The following PCDHGA8 variants were observed in gnomAD, a reference collection of about 807,000 sequenced individuals.
PCDHGA8 encodes protocadherin gamma subfamily A, 8, also known as protocadherin gamma-A8.
In PCDHGA8, 45 loss-of-function variants were observed where a neutral mutation model predicts 59.2. The observed-to-expected ratio is 0.76, with a 90% CI of 0.60 to 0.98. The LOEUF (loss-of-function observed/expected upper bound fraction) is 0.98, where lower values mean the gene tolerates loss of function less well. Among genes scored for constraint, PCDHGA8 ranks in the 50% least tolerant of loss-of-function variants. The pLI, the probability that PCDHGA8 is intolerant of heterozygous loss-of-function variation, is 0.00. For missense variants in PCDHGA8, 1,257 were observed against 1,196.2 expected (o/e 1.05, Z -0.75); for synonymous variants, 531 against 519.0 (o/e 1.02, Z -0.32).
In PCDHGA8 at chr5:141,431,213, TTCCC is replaced by T. The variant is rs1373533151; in HGVS notation, c.2424+35979_2424+35982del. 1 of 1,614,142 alleles carries T rather than the reference TTCCC, an allele frequency of 6.2e-7. No homozygotes were observed. Among genetic ancestry groups the T allele is most frequent in the Admixed American group, 1.7e-5 (1 of 60,020 alleles). On this transcript the variant is annotated intron_variant, in intron 1 of 3. Transcript: ENST00000398604. This position sits in a 1 kb window ranked among gnomAD's most constrained non-coding sequence, Gnocchi z 4.8. ...TGAAAATGCAGCCACTGAGATGCGGTTCCCTCTACCCCACGCCTGGGATCCGGAT... is the reference window on the plus strand; with the variant it reads ...TGAAAATGCAGCCACTGAGATGCGGTTCTACCCCACGCCTGGGATCCGGAT...
chr5:141,397,841 C>A (rs996938995), intron 1 of PCDHGA8: 31 of 520,424 alleles, frequency 6.0e-5, no homozygotes, highest in Middle Eastern at 4.9e-4. Context: ...AACTTGAAGC[C>A]GCAGAGGCTG....
intron 1 of PCDHGA8, among the ~76,000 whole-genome samples, chr5:141,401,626 C>T (rs1476531463): frequency 6.6e-6 from 1 of 152,174 alleles, no homozygotes; most frequent in Non-Finnish European, 1.5e-5. Flanking sequence ...TTTGTCTTAT[C>T]GTTTGGAGCT....
intron 1 of PCDHGA8, among the ~76,000 whole-genome samples, chr5:141,472,590 C>T (rs1161871973): frequency 6.6e-6 from 1 of 151,908 alleles, no homozygotes; most frequent in Non-Finnish European, 1.5e-5. Flanking sequence ...GTCAGAAGCT[C>T]TCTTGAAATT....
intron 1 of PCDHGA8, among the ~76,000 whole-genome samples, chr5:141,482,329 T>A (rs1334833454): frequency 6.6e-6 from 1 of 152,160 alleles, no homozygotes; most frequent in Non-Finnish European, 1.5e-5. Context: ...ATAAAGAGAA[T>A]ATCTACTTTG....
chr5:141,476,357 C>G lies in PCDHGA8; in HGVS notation c.2425-18450C>G. On this transcript the variant is annotated intron_variant, in intron 1 of 3. Transcript: ENST00000398604. The surrounding 1 kb of genome is among the most constrained non-coding windows in gnomAD (Gnocchi z 7.6). ...TAGCCGAAGATTCTTTGAGGTGAAC[C>G]GGGAGACCGGAGAGATGTTTGTGAA... The G allele has an allele frequency of 6.2e-7, 1 of 1,614,052 alleles. No individual in the cohort carries two copies. Among genetic ancestry groups the G allele is most frequent in the South Asian group, 1.1e-5 (1 of 91,078 alleles).
Position 141,502,866 on chromosome 5 carries a change from C to CTTTTTTTTTTTTTT in PCDHGA8, c.2484-2526_2484-2513dup, listed in dbSNP as rs549047197. Among the ~76,000 whole-genome samples the CTTTTTTTTTTTTTT allele has an allele frequency of 1.6e-4, 20 of 128,024 alleles. 4 individuals are homozygous for CTTTTTTTTTTTTTT. The highest frequency in any genetic ancestry group is 2.6e-4 in the Admixed American group (3 of 11,660). 84.0% of individuals were successfully genotyped at this position (128,024 alleles called of 152,430 possible). A position where few individuals can be genotyped will look rare whatever the true frequency, so the allele number is the denominator to read the frequency against. The stretch of plus-strand genomic sequence containing the variant: ...GAGCTGCCTAACCCTGACTCTCTGT[C>CTTTTTTTTTTTTTT]TTTTTTTTTTTTTTGACAGGGAGTC... On this transcript the variant is annotated intron_variant, in intron 2 of 3. Transcript: ENST00000398604.
In PCDHGA8 at chr5:141,477,854, C is replaced by G; in HGVS notation, c.2425-16953C>G. 3.1e-6 allele frequency: 5 copies of G among 1,614,098 alleles called. No individual in the cohort carries two copies. Among genetic ancestry groups the G allele is most frequent in the Non-Finnish European group, 4.2e-6 (5 of 1,180,004 alleles). ...GCCAGGTGGGAGCTCGGTGGAGATG[C>G]TGCCTCGAGGTACCTCAGCTGGCCA... On this transcript the variant is annotated intron_variant, in intron 1 of 3. Transcript: ENST00000398604. This position sits in a 1 kb window ranked among gnomAD's most constrained non-coding sequence, Gnocchi z 4.9.
chr5:141,449,389 T>C (rs577860793), intron 1 of PCDHGA8, among the ~76,000 whole-genome samples: 5 of 151,964 alleles, frequency 3.3e-5, no homozygotes, highest in African/African-American at 1.2e-4. Flanking sequence ...GGTGGATTAC[T>C]TGAGGCCAGG....
chr5:141,403,956 T>A (rs375951516), intron 1 of PCDHGA8: 6 of 1,613,884 alleles, frequency 3.7e-6, no homozygotes, highest in Non-Finnish European at 5.1e-6. Flanking sequence ...AAAGTGCTCA[T>A]TTCGGTGGAA....
intron 1 of PCDHGA8, chr5:141,424,599 GATTT>G (rs1016470290): frequency 3.9e-5 from 6 of 152,170 alleles, no homozygotes; most frequent in Non-Finnish European, 8.8e-5. Flanking sequence ...GATGTCTACA[GATTT>G]ATTCAAATAG....
chr5:141,438,347 C>T (rs150878327), intron 1 of PCDHGA8, among the ~76,000 whole-genome samples: 7 of 151,730 alleles, frequency 4.6e-5, no homozygotes, highest in Non-Finnish European at 2.9e-5. Flanking sequence ...TAAGGATCTA[C>T]TCTGTGTATT....
rs545524357 is a variant in PCDHGA8, at chr5:141,467,902, G to A, written c.2425-26905G>A. ...TCAAACTCCTGAGCTCAAGAAATCC[G>A]CCCACCTCAGCCTCCCAAAATGCTA... On this transcript the variant is annotated intron_variant, in intron 1 of 3. Coordinates refer to ENST00000398604, the MANE Select transcript of PCDHGA8 (RefSeq NM_032088.2). 1.1e-4 allele frequency among the ~76,000 whole-genome samples: 16 copies of A among 151,862 alleles called. No homozygotes were observed. The East Asian group carries it at 2.3e-3, about 22-fold the overall frequency.
At chr5:141,408,857 G>A (rs372861749) in intron 1 of PCDHGA8, 4 of 1,613,542 alleles carry the variant, frequency 2.5e-6, no homozygotes, top group Non-Finnish European at 3.4e-6. Flanking sequence ...GGACGGAGGG[G>A]ACCCACCAAG....
Position 141,476,752 on chromosome 5 carries a change from A to T in PCDHGA8, c.2425-18055A>T, listed in dbSNP as rs771355583. On this transcript the variant is annotated intron_variant, in intron 1 of 3. Coordinates refer to ENST00000398604, the MANE Select transcript of PCDHGA8 (RefSeq NM_032088.2). This position sits in a 1 kb window ranked among gnomAD's most constrained non-coding sequence, Gnocchi z 7.6. ...GAGAACGGGAGCCTAGTCTCCAGTTAGTGCTGACGGCGTTGGACGGAGGGA... is the reference window on the plus strand; with the variant it reads ...GAGAACGGGAGCCTAGTCTCCAGTTTGTGCTGACGGCGTTGGACGGAGGGA... 1.2e-6 allele frequency: 2 copies of T among 1,613,926 alleles called. No individual in the cohort carries two copies. Among genetic ancestry groups the T allele is most frequent in the South Asian group, 2.2e-5 (2 of 91,080 alleles).
chr5:141,419,662 T>C (rs767190243), intron 1 of PCDHGA8: 140 of 1,612,700 alleles, frequency 8.7e-5, no homozygotes, highest in South Asian at 2.2e-5. Flanking sequence ...CGGGGCACAA[T>C]GCCTGGCTGT....
chr5:141,404,475 A>G, intron 1 of PCDHGA8: 1 of 1,613,732 alleles, frequency 6.2e-7, no homozygotes, highest in Non-Finnish European at 8.5e-7. Flanking sequence ...GTCTCTATTA[A>G]CTCAGACACT....
At chr5:141,399,739 C>T (rs774893843) in intron 1 of PCDHGA8, 2 of 1,613,218 alleles carry the variant, frequency 1.2e-6, no homozygotes, top group Non-Finnish European at 1.7e-6. Flanking sequence ...CTCGCCTGCG[C>T]TCAGCGCAAA....
At chr5:141,418,726 G>C (rs1399333996) in intron 1 of PCDHGA8, 1 of 1,613,986 alleles carries the variant, frequency 6.2e-7, no homozygotes, top group Non-Finnish European at 8.5e-7. Flanking sequence ...ACAAAGCTCA[G>C]CACGTGTTCT....
At chr5:141,419,302 C>T in intron 1 of PCDHGA8, 1 of 1,614,024 alleles carries the variant, frequency 6.2e-7, no homozygotes, top group East Asian at 2.2e-5. Context: ...ACCCAGACTT[C>T]GGGCTCAACG....
Sources: gnomAD v4.1 joint callset for allele counts (sites outside exome capture counted in the v4.1 genomes callset) on GRCh38, gnomAD v4.1.1 for gene constraint, Gnocchi (gnomAD v3.1) non-coding constraint, MANE v1.5 for transcripts, NCBI Gene and HGNC (gene_info 2026-07-23, HGNC 2026-07-21) for gene names.